FAM120B: variants seen among roughly 807,000 people sequenced by gnomAD.
FAM120B encodes the protein constitutive coactivator of peroxisome proliferator-activated receptor gamma.
In FAM120B, 83 loss-of-function variants were observed where a neutral mutation model predicts 96.3. The ratio of observed to expected loss-of-function variants is 0.86; its 90% CI spans 0.72 to 1.03. The LOEUF (loss-of-function observed/expected upper bound fraction) is 1.03, where lower values mean the gene tolerates loss of function less well. FAM120B is among the 50% of genes least tolerant of loss of function. The pLI is 0.00. For synonymous variants in FAM120B, 407 were observed against 402.7 expected (o/e 1.01, Z -0.13); for missense variants, 1,027 against 1,121.2 (o/e 0.92, Z 1.20).
At chr6:170,358,376 T>C in intron 6 of FAM120B, 58 bp downstream of exon 6, 1 of 1,200,300 alleles carries the variant, frequency 8.3e-7, no homozygotes, top group Non-Finnish European at 1.2e-6. Context: ...AGTCCAGCCT[T>C]CTCTTTCCCA....
chr6:170,384,840 G>A (rs1320580994), intron 6 of FAM120B, among the ~76,000 whole-genome samples: 1 of 152,134 alleles, frequency 6.6e-6, no homozygotes, highest in Non-Finnish European at 1.5e-5. Flanking sequence ...AACTGTAGGG[G>A]GCCAGTGAAG....
chr6:170,295,491 C>T lies in FAM120B; in HGVS notation c.48+38C>T, dbSNP rs1783976855. 4 of 694,084 alleles carry T rather than the reference C, an allele frequency of 5.8e-6. No individual in the cohort carries two copies. The highest frequency in any genetic ancestry group is 1.5e-5 in the South Asian group (1 of 66,710). The allele number at this position is 694,084 out of a possible 1,614,324, so 43.0% of individuals were successfully genotyped here. A position where few individuals can be genotyped will look rare whatever the true frequency, so the allele number is the denominator to read the frequency against. ...CGCGTGCACACAAGGCGCGCGGCCC[C>T]CAGGCAGCCGCGCTTCCACAGCGGG... On this transcript the variant is annotated intron_variant, in intron 1 of 10. Transcript: ENST00000537664. This position sits in a 1 kb window ranked among gnomAD's most constrained non-coding sequence, Gnocchi z 7.8.
chr6:170,388,194 G>A (rs756010186), intron 6 of FAM120B, 93 bp from the exon 7 acceptor site: 30 of 1,077,106 alleles, frequency 2.8e-5, no homozygotes, highest in Middle Eastern at 2.9e-4. Context: ...GTGAGCATCC[G>A]TTCTGAGCAG....
In FAM120B at chr6:170,355,246, A is replaced by G. The variant is rs117828455; in HGVS notation, c.2191-2980A>G. 8.9e-3 allele frequency among the ~76,000 whole-genome samples: 1,363 copies of G among 152,316 alleles called. 67 individuals are homozygous for G. The East Asian group carries it at 0.11, about 12-fold the overall frequency. On this transcript the variant is annotated intron_variant, in intron 5 of 10. Coordinates refer to ENST00000476287, the MANE Select transcript of FAM120B (RefSeq NM_032448.3). ...TACCCAAAGGAATAGAAATCATTCT[A>G]TTGTAAAGATACATGCATGAGTATG...
Position 170,388,388 on chromosome 6 carries a change from G to A in FAM120B, c.2385G>A (p.Lys795=), listed in dbSNP as rs979667482. The part of the protein sequence containing the change: ...LVNSACGFPW[K]TSDFMPWNVF... ...ACAGCGCATGTGGCTTCCCCTGGAA[G>A]ACGAGTGATTTCATGCCCTGGAATG... Residue 795 remains lysine (K), a synonymous_variant, in exon 7 of 11, where the codon AAG becomes AAA. Transcript: ENST00000476287. 1.2e-6 allele frequency: 2 copies of A among 1,614,186 alleles called. No homozygotes were observed. The highest frequency in any genetic ancestry group is 4.5e-5 in the East Asian group (2 of 44,884).
At chr6:170,379,197 G>A (rs952433595) in intron 6 of FAM120B, among the ~76,000 whole-genome samples, 8 of 152,194 alleles carry the variant, frequency 5.3e-5, no homozygotes, top group African/African-American at 1.9e-4. Flanking sequence ...AAATATACCT[G>A]TGTTTTCACT....
At chr6:170,353,092 A>G (rs1787682086) in intron 5 of FAM120B, among the ~76,000 whole-genome samples, 1 of 152,218 alleles carries the variant, frequency 6.6e-6, no homozygotes, top group Non-Finnish European at 1.5e-5. Context: ...AATACTGTAA[A>G]CACCTCTGTG....
At chr6:170,371,527 A>G (rs373538260) in intron 6 of FAM120B, among the ~76,000 whole-genome samples, 154 of 152,344 alleles carry the variant, frequency 1.0e-3, no homozygotes, top group African/African-American at 3.4e-3. Flanking sequence ...ACCTTTTGCC[A>G]TGATAAGAAG....
chr6:170,318,032 T>G lies in FAM120B; in HGVS notation c.642T>G (p.Ser214Arg), dbSNP rs773547816. 6.2e-7 allele frequency: 1 copy of G among 1,614,042 alleles called. No individual in the cohort carries two copies. Among genetic ancestry groups the G allele is most frequent in the Admixed American group, 1.7e-5 (1 of 60,018 alleles). Residue 214 changes from serine to arginine, a missense_variant, in exon 2 of 11, where the codon AGT (serine) becomes AGG (arginine). By Grantham distance (110) the Ser-to-Arg change is moderately radical (BLOSUM62 -1). This residue lies in a region of FAM120B where 880 missense variants were observed against 980.9 expected (regional missense o/e 0.90). Transcript: ENST00000476287. Reference sequence around the variant, plus strand: ...TCTGCAGAGAGAAGCTCTGTGAGAGTCTGGGCCTCTGTGTGGCCGACCTTC... The same window carrying G: ...TCTGCAGAGAGAAGCTCTGTGAGAGGCTGGGCCTCTGTGTGGCCGACCTTC... Reference protein sequence around the residue: ...VMLCREKLCESLGLCVADLPL... With the variant: ...VMLCREKLCERLGLCVADLPL...
chr6:170,396,753 G>A (rs769397800), intron 9 of FAM120B, among the ~76,000 whole-genome samples: 2 of 152,180 alleles, frequency 1.3e-5, no homozygotes, highest in Non-Finnish European at 2.9e-5. Flanking sequence ...ACTGAGATCT[G>A]GGCAAAAGAC....
chr6:170,304,948 C>T (rs1466882710), upstream of FAM120B, among the ~76,000 whole-genome samples: 1 of 152,118 alleles, frequency 6.6e-6, no homozygotes, highest in Admixed American at 6.5e-5. Flanking sequence ...GGTCTCAGAT[C>T]AGGCACCAGC....
intron 2 of FAM120B, 125 bp from the exon 3 acceptor site, chr6:170,322,954 A>G (rs1294657220): frequency 1.9e-5 from 14 of 726,418 alleles, no homozygotes; most frequent in Non-Finnish European, 3.0e-5. Context: ...CATGAATTTC[A>G]GGGTCAGTTA....
At chr6:170,311,184 C>T (rs774165270) in intron 1 of FAM120B, among the ~76,000 whole-genome samples, 5 of 152,210 alleles carry the variant, frequency 3.3e-5, no homozygotes, top group Non-Finnish European at 7.3e-5. Flanking sequence ...CCAGAACATA[C>T]GCAGAGCAGT....
intron 6 of FAM120B, among the ~76,000 whole-genome samples, chr6:170,373,378 T>C (rs1279981057): frequency 6.6e-6 from 1 of 152,248 alleles, no homozygotes; most frequent in Non-Finnish European, 1.5e-5. Context: ...GCCAACCCTC[T>C]GTCACGCTGA....
intron 1 of FAM120B, among the ~76,000 whole-genome samples, chr6:170,310,863 G>A (rs890211134): frequency 5.3e-5 from 8 of 152,196 alleles, no homozygotes; most frequent in Non-Finnish European, 1.2e-4. Context: ...TCTTAGCTGG[G>A]GATCTTGTCT....
chr6:170,395,739 G>A (rs1291052676), intron 9 of FAM120B, among the ~76,000 whole-genome samples, 160 bp downstream of exon 9: 1 of 152,198 alleles, frequency 6.6e-6, no homozygotes, highest in Non-Finnish European at 1.5e-5. Flanking sequence ...ATCATTTAGT[G>A]AAATAAAGAC....
chr6:170,306,203 C>G (rs1465037397), upstream of FAM120B, among the ~76,000 whole-genome samples: 2 of 152,278 alleles, frequency 1.3e-5, no homozygotes, highest in African/African-American at 4.8e-5. Context: ...GGGGCCGCGC[C>G]GTCCCGATAC....
intron 4 of FAM120B, among the ~76,000 whole-genome samples, chr6:170,340,601 C>T (rs374203931): frequency 6.6e-5 from 10 of 152,128 alleles, no homozygotes; most frequent in South Asian, 6.2e-4. Context: ...AGCATTTTTG[C>T]GCTGGTTTTT....
chr6:170,330,436 T>A lies in FAM120B; in HGVS notation c.1916-13T>A. ...GCCCTCATGCATCTACTGACCCAAC[T>A]CTTTTTCTTCAGATGTCACCAGCAC... On this transcript the variant is annotated splice_polypyrimidine_tract_variant and intron_variant, in intron 3 of 10. Coordinates refer to ENST00000476287, the MANE Select transcript of FAM120B (RefSeq NM_032448.3). The A allele has an allele frequency of 6.2e-7, 1 of 1,611,598 alleles. No homozygotes were observed. Among genetic ancestry groups the A allele is most frequent in the Non-Finnish European group, 8.5e-7 (1 of 1,177,818 alleles).
Sources: allele counts gnomAD v4.1 joint callset (sites outside exome capture counted in the v4.1 genomes callset), GRCh38; gene constraint gnomAD v4.1.1; regional missense constraint gnomAD v4.1.1; non-coding constraint Gnocchi (gnomAD v3.1); transcripts MANE v1.5; gene names NCBI Gene and HGNC (gene_info 2026-07-23, HGNC 2026-07-21).